RPS6KC1: variants seen among roughly 807,000 people sequenced by gnomAD.
RPS6KC1 encodes the protein inactive ribosomal protein S6 kinase delta-1.
Under a neutral mutation model 103.8 loss-of-function variants are expected in RPS6KC1, and 54 were observed. The ratio of observed to expected loss-of-function variants is 0.52; its 90% CI spans 0.42 to 0.65. The LOEUF is 0.65. Among genes scored for constraint, RPS6KC1 ranks in the 30% least tolerant of loss-of-function variants. The pLI is 0.00. For synonymous variants in RPS6KC1, 439 were observed against 438.7 expected (o/e 1.00, Z -0.01); for missense variants, 1,151 against 1,253.8 (o/e 0.92, Z 1.24).
chr1:213,172,955 C>T lies in RPS6KC1; in HGVS notation c.952-3445C>T, dbSNP rs1258611022. ...CCTAGAAATACATTGCTTCTCCCGT[C>T]GCGCTTCATAGCGCAATGGGCCAAG... On this transcript the variant is annotated intron_variant, in intron 7 of 14. Transcript: ENST00000366960. Among the ~76,000 whole-genome samples, 4 of 152,194 alleles carry T rather than the reference C, an allele frequency of 2.6e-5. No individual in the cohort carries two copies. The South Asian group carries it at 6.2e-4, about 24-fold the overall frequency.
chr1:213,854,263 G>T, the RPS6KC1 span, among the ~76,000 whole-genome samples: 4 of 152,302 alleles, frequency 2.6e-5, no homozygotes, highest in South Asian at 8.3e-4. Context: ...TGTAGCAGTC[G>T]ACTCATTTTC....
intron 4 of RPS6KC1, among the ~76,000 whole-genome samples, chr1:213,115,533 T>C (rs990483009): frequency 4.6e-5 from 7 of 152,078 alleles, no homozygotes; most frequent in African/African-American, 1.7e-4. Context: ...TTTTGAAGGG[T>C]TTTTTGTATC....
intron 8 of RPS6KC1, among the ~76,000 whole-genome samples, chr1:213,187,384 A>G (rs2092576610): frequency 6.6e-6 from 1 of 151,278 alleles, no homozygotes; most frequent in African/African-American, 2.4e-5. Flanking sequence ...AGCTGAGACT[A>G]CAGACATGCG....
chr1:213,437,489 T>C, the RPS6KC1 span, among the ~76,000 whole-genome samples: 1 of 152,086 alleles, frequency 6.6e-6, no homozygotes, highest in South Asian at 2.1e-4. Flanking sequence ...TGTTTGGTTT[T>C]GCTACCAAGG....
chr1:213,107,480 AT>A (rs1417120515), intron 4 of RPS6KC1, among the ~76,000 whole-genome samples: 2 of 152,096 alleles, frequency 1.3e-5, no homozygotes, highest in Non-Finnish European at 2.9e-5. Context: ...ATGTATCAGC[AT>A]TTTGTTCTTT....
chr1:213,612,880 C>T, the RPS6KC1 span, among the ~76,000 whole-genome samples: 5 of 152,208 alleles, frequency 3.3e-5, no homozygotes, highest in African/African-American at 1.2e-4. Context: ...CCTTTACCTT[C>T]TCCTTCAGAG....
At chr1:213,246,725 A>G (rs1283547724) in intron 12 of RPS6KC1, among the ~76,000 whole-genome samples, 1 of 151,996 alleles carries the variant, frequency 6.6e-6, no homozygotes, top group African/African-American at 2.4e-5. Flanking sequence ...AAAAACAGCT[A>G]GAAAATAGAA....
the RPS6KC1 span, among the ~76,000 whole-genome samples, chr1:213,602,088 C>CT: frequency 2.6e-5 from 1 of 38,200 alleles, no homozygotes; most frequent in African/African-American, 1.5e-4. Context: ...CTCTTTCTTT[C>CT]TTTCTTTCTT....
chr1:213,843,968 T>C, the RPS6KC1 span, among the ~76,000 whole-genome samples: 1 of 151,942 alleles, frequency 6.6e-6, no homozygotes, highest in African/African-American at 2.4e-5. Flanking sequence ...ATGGCTGTTG[T>C]TGAGGACTCC....
chr1:213,741,376 T>C, the RPS6KC1 span, among the ~76,000 whole-genome samples: 1 of 152,180 alleles, frequency 6.6e-6, no homozygotes, highest in East Asian at 1.9e-4. Context: ...CTTCTCTGGA[T>C]CACTTACTAT....
At chr1:213,622,554 T>C in the RPS6KC1 span, among the ~76,000 whole-genome samples, 1 of 152,154 alleles carries the variant, frequency 6.6e-6, no homozygotes, top group Non-Finnish European at 1.5e-5. Context: ...CCCACTCAGC[T>C]GTTTCACAGT....
intron 5 of RPS6KC1, among the ~76,000 whole-genome samples, chr1:213,124,023 A>G (rs1269412621): frequency 6.6e-6 from 1 of 152,110 alleles, no homozygotes; most frequent in African/African-American, 2.4e-5. Flanking sequence ...ATTTCACTAT[A>G]CTGCCCTACT....
At chr1:213,351,323 C>T in the RPS6KC1 span, among the ~76,000 whole-genome samples, 1 of 152,136 alleles carries the variant, frequency 6.6e-6, no homozygotes, top group Non-Finnish European at 1.5e-5. Flanking sequence ...TATAAAAGCG[C>T]AAAAGGCTTT....
chr1:213,609,855 A>T, the RPS6KC1 span, among the ~76,000 whole-genome samples: 1 of 151,152 alleles, frequency 6.6e-6, no homozygotes, highest in Non-Finnish European at 1.5e-5. Flanking sequence ...GGGTGATATA[A>T]TCCAAATAAA....
the RPS6KC1 span, among the ~76,000 whole-genome samples, chr1:213,745,431 A>AC: frequency 6.6e-6 from 1 of 152,030 alleles, no homozygotes; most frequent in South Asian, 2.1e-4. Context: ...AAAAAAAAAA[A>AC]AAAAAACACT....
At chr1:213,089,937 C>T (rs939607021) in intron 3 of RPS6KC1, among the ~76,000 whole-genome samples, 4 of 152,298 alleles carry the variant, frequency 2.6e-5, no homozygotes, top group Admixed American at 6.5e-5. Flanking sequence ...TATTAATAAT[C>T]TTCTTTGACT....
At chr1:213,403,343 C>G in the RPS6KC1 span, among the ~76,000 whole-genome samples, 7 of 152,088 alleles carry the variant, frequency 4.6e-5, no homozygotes, top group East Asian at 1.4e-3. Flanking sequence ...TTTCCTGGCT[C>G]TCTCCCCGAG....
the RPS6KC1 span, among the ~76,000 whole-genome samples, chr1:213,322,832 C>T: frequency 2.1e-4 from 31 of 150,434 alleles, no homozygotes; most frequent in African/African-American, 7.6e-4. Flanking sequence ...ACTGCAACCT[C>T]TGCCTCCTGG....
chr1:213,145,953 TATTC>T (rs1213435689), intron 6 of RPS6KC1, among the ~76,000 whole-genome samples: 52 of 149,626 alleles, frequency 3.5e-4, no homozygotes, highest in African/African-American at 1.2e-3. Context: ...AAATAGGTCT[TATTC>T]ATTCATTCTG....
Sources: allele counts gnomAD v4.1 joint callset (sites outside exome capture counted in the v4.1 genomes callset), GRCh38; gene constraint gnomAD v4.1.1; transcripts MANE v1.5; gene names NCBI Gene and HGNC (gene_info 2026-07-23, HGNC 2026-07-21).